PRKCE: variants seen among roughly 807,000 people sequenced by gnomAD.
The protein encoded by PRKCE is protein kinase C epsilon, also known as protein kinase C epsilon type.
A neutral mutation model predicts 85.4 loss-of-function variants in PRKCE; 16 were observed. The ratio of observed to expected loss-of-function variants is 0.19; its 90% CI spans 0.13 to 0.28. The LOEUF is 0.28. Ranked by LOEUF, PRKCE falls within the 10% of genes least tolerant of loss-of-function variation. PRKCE has a pLI of 1.00. For synonymous variants in PRKCE, 388 were observed against 371.5 expected (o/e 1.04, Z -0.51); for missense variants, 573 against 975.2 (o/e 0.59, Z 5.49).
chr2:45,671,037 G>A (rs908196428), intron 1 of PRKCE, among the ~76,000 whole-genome samples: 6 of 152,154 alleles, frequency 3.9e-5, no homozygotes, highest in East Asian at 1.9e-4. Flanking sequence ...AATACAAGGC[G>A]GGTTTCCTCA....
At chr2:46,040,009 G>A (rs1708127077) in intron 10 of PRKCE, among the ~76,000 whole-genome samples, 1 of 152,240 alleles carries the variant, frequency 6.6e-6, no homozygotes, top group Non-Finnish European at 1.5e-5. Flanking sequence ...TACCTACTGA[G>A]GGGAGGACAT....
Position 45,786,027 on chromosome 2 carries a change from C to G in PRKCE, c.349-56973C>G, listed in dbSNP as rs60473221. Reference sequence around the variant, plus strand: ...TGCTGCCTCAGCGCTGCTGAGGGGTCTAGAGTCTCACAGCCCTGCTGGGTC... The same window carrying G: ...TGCTGCCTCAGCGCTGCTGAGGGGTGTAGAGTCTCACAGCCCTGCTGGGTC... On this transcript the variant is annotated intron_variant, in intron 1 of 14. Transcript: ENST00000306156. The surrounding 1 kb of genome is among the most constrained non-coding windows in gnomAD (Gnocchi z 5.3). Among the ~76,000 whole-genome samples the G allele has an allele frequency of 0.043, 6,550 of 152,158 alleles. 307 individuals carry two copies. Among genetic ancestry groups the G allele is most frequent in the East Asian group, 0.12 (615 of 5,172 alleles).
At chr2:45,950,682 A>G (rs1700560121) in intron 2 of PRKCE, among the ~76,000 whole-genome samples, 1 of 152,142 alleles carries the variant, frequency 6.6e-6, no homozygotes, top group African/African-American at 2.4e-5. Context: ...GGTTACTTCA[A>G]GCACGCAGAG....
intron 2 of PRKCE, among the ~76,000 whole-genome samples, chr2:45,845,064 T>C (rs943305661): frequency 6.6e-6 from 1 of 150,652 alleles, no homozygotes; most frequent in Non-Finnish European, 1.5e-5. Flanking sequence ...TTTTCTACTT[T>C]TTTTTTTTTT....
intron 1 of PRKCE, among the ~76,000 whole-genome samples, chr2:45,829,958 A>G (rs1690271806): frequency 6.6e-6 from 1 of 151,232 alleles, no homozygotes; most frequent in African/African-American, 2.4e-5. Flanking sequence ...CTGTAGTCCC[A>G]GCTACTCGGG....
intron 2 of PRKCE, among the ~76,000 whole-genome samples, chr2:45,918,605 C>T (rs765778678): frequency 2.6e-5 from 4 of 152,126 alleles, no homozygotes; most frequent in Non-Finnish European, 5.9e-5. Flanking sequence ...CTTTAAAACC[C>T]GATGATTCAA....
chr2:46,102,135 C>T (rs1671300883), intron 11 of PRKCE, among the ~76,000 whole-genome samples: 1 of 152,100 alleles, frequency 6.6e-6, no homozygotes, highest in Non-Finnish European at 1.5e-5. Flanking sequence ...AGTACTTATA[C>T]CATGGAAATC....
intron 1 of PRKCE, among the ~76,000 whole-genome samples, chr2:45,734,853 G>C (rs1239828117): frequency 6.6e-6 from 1 of 152,228 alleles, no homozygotes; most frequent in Non-Finnish European, 1.5e-5. Flanking sequence ...GGAAAGACTG[G>C]TTTATGGGAA....
chr2:46,154,928 G>A (rs957465869), intron 13 of PRKCE, among the ~76,000 whole-genome samples: 4 of 152,186 alleles, frequency 2.6e-5, no homozygotes, highest in Middle Eastern at 3.4e-3. Flanking sequence ...TTTCTCAGAC[G>A]CGTCCCAAGG....
At chr2:45,991,669 A>G (rs1323308609) in intron 6 of PRKCE, among the ~76,000 whole-genome samples, 1 of 152,198 alleles carries the variant, frequency 6.6e-6, no homozygotes, top group African/African-American at 2.4e-5. Context: ...ATACCTTTTC[A>G]TGCATATGTG....
chr2:45,685,864 G>A (rs1209477919), intron 1 of PRKCE, among the ~76,000 whole-genome samples: 8 of 152,146 alleles, frequency 5.3e-5, no homozygotes, highest in African/African-American at 1.9e-4. Context: ...TAGAACTCAC[G>A]AAGATCCTGC....
chr2:45,729,156 G>A (rs182326935), intron 1 of PRKCE, among the ~76,000 whole-genome samples: 4 of 152,330 alleles, frequency 2.6e-5, no homozygotes, highest in Non-Finnish European at 5.9e-5. Context: ...TGGAACAGAG[G>A]CATTGTCCTT....
At chr2:45,743,758 T>G (rs1682782144) in intron 1 of PRKCE, among the ~76,000 whole-genome samples, 1 of 152,220 alleles carries the variant, frequency 6.6e-6, no homozygotes, top group South Asian at 2.1e-4. Flanking sequence ...GTCCAGATAC[T>G]TTGAGCCAAC....
intron 1 of PRKCE, among the ~76,000 whole-genome samples, chr2:45,778,548 C>T (rs1417327755): frequency 6.6e-6 from 1 of 152,086 alleles, no homozygotes; most frequent in East Asian, 1.9e-4. Context: ...GCGTCCCTAC[C>T]CCACACACAT....
intron 1 of PRKCE, chr2:45,676,938 C>T (rs1411212493): frequency 6.6e-6 from 1 of 152,192 alleles, no homozygotes; most frequent in Non-Finnish European, 1.5e-5. Flanking sequence ...GGGACAGATA[C>T]TCAAACAGGC....
intron 2 of PRKCE, among the ~76,000 whole-genome samples, chr2:45,892,552 G>T (rs931216909): frequency 1.3e-5 from 2 of 152,146 alleles, no homozygotes; most frequent in Non-Finnish European, 2.9e-5. Context: ...TGGAAAGGCA[G>T]TGTGGTTAAG....
At chr2:45,951,857 G>C (rs1212136155) in intron 2 of PRKCE, among the ~76,000 whole-genome samples, 2 of 152,188 alleles carry the variant, frequency 1.3e-5, no homozygotes, top group Admixed American at 6.5e-5. Context: ...TTTTGAGACG[G>C]AGTCTTGCTC....
chr2:46,152,375 T>C lies in PRKCE; in HGVS notation c.1920+1146T>C, dbSNP rs149228776. 6.1e-3 allele frequency among the ~76,000 whole-genome samples: 920 copies of C among 152,032 alleles called. 5 individuals are homozygous for C. The highest frequency in any genetic ancestry group is 0.014 in the Middle Eastern group (4 of 294). ...TTTTGTATTTTTAGTAGTGACAAGA[T>C]TTCACCATGTTGGCCAGGCTGGCCT... On this transcript the variant is annotated intron_variant, in intron 13 of 14. Transcript: ENST00000306156.
chr2:45,753,497 A>G (rs1683754615), intron 1 of PRKCE, among the ~76,000 whole-genome samples: 1 of 152,110 alleles, frequency 6.6e-6, no homozygotes, highest in Admixed American at 6.5e-5. Context: ...TATCTTCTTG[A>G]TCTGTAGTCA....
Sources: allele counts gnomAD v4.1 joint callset (sites outside exome capture counted in the v4.1 genomes callset), GRCh38; gene constraint gnomAD v4.1.1; non-coding constraint Gnocchi (gnomAD v3.1); transcripts MANE v1.5; gene names NCBI Gene and HGNC (gene_info 2026-07-23, HGNC 2026-07-21).